Variants in SGCZ observed in about 807,000 individuals in gnomAD.
SGCZ encodes zeta-sarcoglycan.
A neutral mutation model predicts 41.3 loss-of-function variants in SGCZ; 40 were observed. That is an observed-to-expected ratio of 0.97 (90% CI 0.75 to 1.26). The LOEUF (loss-of-function observed/expected upper bound fraction) is 1.26. SGCZ is among the 50% of genes most tolerant of loss of function. The pLI is 0.00. For missense variants in SGCZ, 552 were observed against 369.8 expected (o/e 1.49, Z -4.04); for synonymous variants, 206 against 137.5 (o/e 1.50, Z -3.49).
At chr8:14,899,043 CT>C (rs980680642) in intron 1 of SGCZ, among the ~76,000 whole-genome samples, 10 of 152,002 alleles carry the variant, frequency 6.6e-5, no homozygotes, top group African/African-American at 2.2e-4. Context: ...TAGAGTTTCA[CT>C]TTTTTTTAAG....
intron 1 of SGCZ, among the ~76,000 whole-genome samples, chr8:14,838,566 T>C (rs1428307683): frequency 1.3e-5 from 2 of 152,148 alleles, no homozygotes; most frequent in African/African-American, 4.8e-5. Flanking sequence ...GACTAGGCAA[T>C]CTGAAGCTGT....
In SGCZ at chr8:14,960,552, T is replaced by C. The variant is rs1800931457; in HGVS notation, c.39+277033A>G. ...ATAATCTTCATTTTCTTAATCTTGA[T>C]CAGCTTCATCTTTTCTTGAGCAGCT... On this transcript the variant is annotated intron_variant, in intron 1 of 7. Transcript: ENST00000382080. Among the ~76,000 whole-genome samples, 3 of 152,150 alleles carry C rather than the reference T, an allele frequency of 2.0e-5. 1 individual carries two copies. The South Asian group carries it at 6.2e-4, about 32-fold the overall frequency.
In SGCZ at chr8:14,957,868, C is replaced by T. The variant is rs556537640; in HGVS notation, c.39+279717G>A. 5.3e-5 allele frequency among the ~76,000 whole-genome samples: 8 copies of T among 151,964 alleles called. No homozygotes were observed. The South Asian group carries it at 1.5e-3, about 28-fold the overall frequency. ...TATGCTGAAAATATAAAATGACTTA[C>T]GTAAGTAAATGTTCATTCATTTACT... On this transcript the variant is annotated intron_variant, in intron 1 of 7. Transcript: ENST00000382080.
chr8:15,062,616 A>G (rs1804978629), intron 1 of SGCZ, among the ~76,000 whole-genome samples: 1 of 152,190 alleles, frequency 6.6e-6, no homozygotes, highest in Non-Finnish European at 1.5e-5. Context: ...TTGAAAAATA[A>G]CATTTTGATT....
chr8:14,225,931 A>G (rs1461624818), intron 4 of SGCZ, among the ~76,000 whole-genome samples: 1 of 152,126 alleles, frequency 6.6e-6, no homozygotes, highest in Admixed American at 6.6e-5. Context: ...AAAGAAATAA[A>G]GTTACACACG....
intron 2 of SGCZ, among the ~76,000 whole-genome samples, chr8:14,524,418 G>T (rs186334144): frequency 6.6e-6 from 1 of 152,088 alleles, no homozygotes; most frequent in East Asian, 2.0e-4. Context: ...GAGAAGGTTT[G>T]AAGTTCTTGG....
chr8:14,788,965 T>C (rs923203789), intron 1 of SGCZ, among the ~76,000 whole-genome samples: 3 of 152,132 alleles, frequency 2.0e-5, no homozygotes, highest in African/African-American at 4.8e-5. Context: ...TAAATAATAA[T>C]AATAATAAAT....
chr8:14,912,883 C>A (rs1048165968), intron 1 of SGCZ, among the ~76,000 whole-genome samples: 4 of 151,996 alleles, frequency 2.6e-5, no homozygotes, highest in Admixed American at 6.6e-5. Context: ...GATCTGCTTC[C>A]AATTCTTAAC....
intron 1 of SGCZ, among the ~76,000 whole-genome samples, chr8:14,673,403 G>GCT (rs1007042146): frequency 1.3e-5 from 2 of 151,882 alleles, no homozygotes; most frequent in African/African-American, 4.8e-5. Flanking sequence ...AGTTTCACCT[G>GCT]CTCTCTCTCG....
At chr8:15,020,484 T>G (rs541867199) in intron 1 of SGCZ, among the ~76,000 whole-genome samples, 2 of 152,272 alleles carry the variant, frequency 1.3e-5, no homozygotes, top group South Asian at 2.1e-4. Flanking sequence ...GATGTTCTTA[T>G]GCATACTGTC....
intron 1 of SGCZ, among the ~76,000 whole-genome samples, chr8:14,999,067 T>C (rs1802317426): frequency 1.3e-5 from 2 of 152,228 alleles, no homozygotes; most frequent in Non-Finnish European, 2.9e-5. Context: ...GAATTATGTA[T>C]GGACAACACC....
intron 2 of SGCZ, among the ~76,000 whole-genome samples, chr8:14,443,636 C>T (rs1271287373): frequency 2.0e-5 from 3 of 152,132 alleles, no homozygotes; most frequent in Non-Finnish European, 4.4e-5. Context: ...GGATCCCTTC[C>T]TTACACCTTA....
intron 1 of SGCZ, among the ~76,000 whole-genome samples, chr8:14,947,200 G>A (rs1404323116): frequency 6.6e-6 from 1 of 152,172 alleles, no homozygotes; most frequent in Non-Finnish European, 1.5e-5. Flanking sequence ...TGCCGTAAGC[G>A]AAGGAATGAG....
intron 1 of SGCZ, among the ~76,000 whole-genome samples, chr8:14,835,141 G>A (rs1211253664): frequency 6.6e-6 from 1 of 151,978 alleles, no homozygotes; most frequent in African/African-American, 2.4e-5. Flanking sequence ...TCCAAAAATG[G>A]GCCTTTCTTA....
At chr8:14,665,780 A>G (rs980935792) in intron 1 of SGCZ, among the ~76,000 whole-genome samples, 20 of 152,228 alleles carry the variant, frequency 1.3e-4, no homozygotes, top group African/African-American at 4.6e-4. Flanking sequence ...GTCTGTGTAG[A>G]AATCTTTACT....
intron 1 of SGCZ, among the ~76,000 whole-genome samples, chr8:15,119,750 C>A (rs867242033): frequency 1.6e-4 from 25 of 152,108 alleles, no homozygotes; most frequent in African/African-American, 5.6e-4. Context: ...TTCCTTCACT[C>A]TCCCATCACT....
intron 1 of SGCZ, among the ~76,000 whole-genome samples, chr8:14,986,632 C>A (rs955201454): frequency 6.6e-6 from 1 of 151,888 alleles, no homozygotes; most frequent in Non-Finnish European, 1.5e-5. Context: ...CTAAGTGTTA[C>A]AATATTCAAT....
At chr8:15,181,980 G>C (rs940104633) in intron 1 of SGCZ, among the ~76,000 whole-genome samples, 1 of 152,030 alleles carries the variant, frequency 6.6e-6, no homozygotes, top group African/African-American at 2.4e-5. Context: ...GTCCTCAAAC[G>C]ATGGTGGGTA....
At chr8:14,661,902 T>C (rs1585163086) in intron 1 of SGCZ, among the ~76,000 whole-genome samples, 1 of 151,930 alleles carries the variant, frequency 6.6e-6, no homozygotes, top group South Asian at 2.1e-4. Flanking sequence ...GACAATGGGG[T>C]ATCTTGATAA....
Sources: allele counts gnomAD v4.1 joint callset (sites outside exome capture counted in the v4.1 genomes callset), GRCh38; gene constraint gnomAD v4.1.1; transcripts MANE v1.5; gene names NCBI Gene and HGNC (gene_info 2026-07-23, HGNC 2026-07-21).